FAM72A: variants seen among roughly 807,000 people sequenced by gnomAD.
The protein encoded by FAM72A is protein FAM72A.
In FAM72A, 1 loss-of-function variant was observed where a neutral mutation model predicts 11.3. The ratio of observed to expected loss-of-function variants is 0.09; its 90% CI spans 0.03 to 0.42. The LOEUF is 0.42. FAM72A is among the 10% of genes least tolerant of loss of function. FAM72A has a pLI of 0.98. For missense variants in FAM72A, 15 were observed against 135.5 expected, an observed-to-expected ratio of 0.11 and a Z score of 4.41; for synonymous variants, 5 against 46.9, an observed-to-expected ratio of 0.11 and a Z score of 3.65.
At chr1:206,198,631 AAAT>A (rs782676528) in intron 2 of FAM72A, among the ~76,000 whole-genome samples, 4 of 151,760 alleles carry the variant, frequency 2.6e-5, no homozygotes, top group Non-Finnish European at 5.9e-5. Context: ...CCTAAAATGA[AAAT>A]AATAACACGT....
At chr1:206,204,833 C>G (rs1345986827), upstream of FAM72A, 29 of 131,946 alleles carry the variant, frequency 2.2e-4, no homozygotes, top group Admixed American at 2.1e-3. Context: ...TCCTCTAACC[C>G]GTTTCCTGCT....
intron 3 of FAM72A, among the ~76,000 whole-genome samples, chr1:206,194,479 T>C (rs1177792452): frequency 3.3e-5 from 5 of 151,918 alleles, no homozygotes; most frequent in African/African-American, 1.2e-4. Context: ...ATGTGTAAAA[T>C]TCTATCAAAT....
chr1:206,187,120 A>G lies in FAM72A; in HGVS notation c.*159T>C. On this transcript the variant is annotated 3_prime_UTR_variant, in exon 4 of 4. Transcript: ENST00000367128. ...GCACAACTTCACTGGCTTCAATCAA[A>G]CTGAGGTAACTAATTAGAGACGGAA... 9.5e-7 allele frequency: 1 copy of G among 1,050,780 alleles called. No homozygotes were observed. The highest frequency in any genetic ancestry group is 1.3e-6 in the Non-Finnish European group (1 of 755,436). The allele number at this position is 1,050,780 out of a possible 1,614,324, so 65.1% of individuals were successfully genotyped here. A position where few individuals can be genotyped will look rare whatever the true frequency, so the allele number is the denominator to read the frequency against.
intron 3 of FAM72A, among the ~76,000 whole-genome samples, chr1:206,193,062 C>T (rs1416219169): frequency 2.0e-5 from 3 of 149,638 alleles, no homozygotes; most frequent in East Asian, 2.0e-4. Context: ...TATAGGCATG[C>T]GCCACCATGC....
chr1:206,203,212 C>G (rs1558210358), upstream of FAM72A: 1 of 337,946 alleles, frequency 3.0e-6, no homozygotes, highest in Non-Finnish European at 5.3e-6. Flanking sequence ...TTAAAACTCC[C>G]CGCAACACCC....
intron 3 of FAM72A, among the ~76,000 whole-genome samples, chr1:206,191,717 AAAT>A (rs1664808439): frequency 7.1e-6 from 1 of 141,542 alleles, no homozygotes; most frequent in African/African-American, 2.9e-5. Context: ...TTTCTTACTA[AAAT>A]ATTATTTTTT....
At chr1:206,193,008 G>A (rs1381404458) in intron 3 of FAM72A, among the ~76,000 whole-genome samples, 1 of 151,010 alleles carries the variant, frequency 6.6e-6, no homozygotes, top group Non-Finnish European at 1.5e-5. Context: ...CCGCCTCCCG[G>A]GTTCAAGCCA....
chr1:206,205,762 G>A (rs1665862685), upstream of FAM72A: 24 of 653,694 alleles, frequency 3.7e-5, no homozygotes, highest in South Asian at 4.6e-4. Flanking sequence ...AGCCGCCGCC[G>A]CACCCGGCCC....
chr1:206,187,000 G>A lies in FAM72A; in HGVS notation c.*279C>T. 3.0e-6 allele frequency: 1 copy of A among 330,990 alleles called. No individual in the cohort carries two copies. The highest frequency in any genetic ancestry group is 5.5e-6 in the Non-Finnish European group (1 of 180,822). The allele number at this position is 330,990 out of a possible 1,614,324, so 20.5% of individuals were successfully genotyped here. ...CTCCCCCAGATTGGGAGGTAACTGA[G>A]TGATATGTGAAAGAATCTTCCCCTG... On this transcript the variant is annotated 3_prime_UTR_variant, in exon 4 of 4. Transcript: ENST00000367128.
At position 206,191,724 on chromosome 1, in the gene FAM72A, AT is replaced by A. The variant is rs1190560887; in HGVS notation, c.355+4027del. On this transcript the variant is annotated intron_variant, in intron 3 of 3. Transcript: ENST00000367128. ...TAGTGTACTTTCTTACTAAAATATT[AT>A]TTTTTTTTTTTTTTTTTTTTGAGAC... 7.0e-3 allele frequency among the ~76,000 whole-genome samples: 730 copies of A among 103,654 alleles called. 2 individuals are homozygous for A. The highest frequency in any genetic ancestry group is 0.015 in the Middle Eastern group (3 of 196). The allele number at this position is 103,654 out of a possible 152,430, so 68.0% of individuals were successfully genotyped here.
intron 2 of FAM72A, among the ~76,000 whole-genome samples, chr1:206,196,469 T>C (rs1359322224): frequency 1.3e-5 from 1 of 77,388 alleles, no homozygotes; most frequent in East Asian, 3.0e-4. Context: ...ACCACCCAAA[T>C]TGATGTGCTG....
intron 3 of FAM72A, among the ~76,000 whole-genome samples, chr1:206,193,519 C>T (rs1445874349): frequency 1.3e-5 from 2 of 152,138 alleles, no homozygotes; most frequent in African/African-American, 4.8e-5. Flanking sequence ...ACAAAACAGC[C>T]TTCTATTGGA....
At chr1:206,203,800 C>A (rs782037569), upstream of FAM72A, 2 of 1,532,586 alleles carry the variant, frequency 1.3e-6, no homozygotes, top group African/African-American at 1.4e-5. Flanking sequence ...CTCAGACCGC[C>A]CCCCCTCCAC....
chr1:206,204,358 T>TCGCTTCC (rs1389531556), upstream of FAM72A: 6 of 335,420 alleles, frequency 1.8e-5, no homozygotes, highest in Admixed American at 8.8e-5. Flanking sequence ...CACCCGCCTC[T>TCGCTTCC]CGCTTCCCGC....
upstream of FAM72A, chr1:206,205,282 A>G (rs1334665330): frequency 1.4e-5 from 2 of 143,820 alleles, no homozygotes; most frequent in Admixed American, 1.4e-4. Flanking sequence ...CCCACCTCGT[A>G]GCGCCAGGCT....
chr1:206,203,203 T>TA (rs1665484573), upstream of FAM72A: 2 of 317,866 alleles, frequency 6.3e-6, no homozygotes, highest in African/African-American at 4.3e-5. Flanking sequence ...CTTTATTGGT[T>TA]AAAACTCCCC....
chr1:206,193,724 G>C (rs1558205022), intron 3 of FAM72A, among the ~76,000 whole-genome samples: 2 of 151,592 alleles, frequency 1.3e-5, no homozygotes, highest in Non-Finnish European at 2.9e-5. Flanking sequence ...CCTGTGCGCT[G>C]TCAATGAAAC....
chr1:206,199,543 TTTCTCC>T (rs1411522225), intron 2 of FAM72A, among the ~76,000 whole-genome samples: 1 of 52,318 alleles, frequency 1.9e-5, no homozygotes, highest in African/African-American at 8.0e-5. Context: ...AATCCAGGTG[TTTCTCC>T]CCCCTAACCT....
upstream of FAM72A, chr1:206,203,522 A>G (rs1399472947): frequency 1.8e-5 from 9 of 504,352 alleles, no homozygotes; most frequent in Admixed American, 7.3e-5. Flanking sequence ...GGTCCTGCGG[A>G]GTTGGCGGAG....
Sources: allele counts gnomAD v4.1 joint callset (sites outside exome capture counted in the v4.1 genomes callset), GRCh38; gene constraint gnomAD v4.1.1; transcripts MANE v1.5; gene names NCBI Gene and HGNC (gene_info 2026-07-23, HGNC 2026-07-21).